RIMBP2: variants seen among roughly 807,000 people sequenced by gnomAD.
RIMBP2 encodes RIMS-binding protein 2.
In RIMBP2, 48 loss-of-function variants were observed where a neutral mutation model predicts 118.6. The observed-to-expected ratio is 0.40, with a 90% CI of 0.32 to 0.51. RIMBP2 has a LOEUF of 0.51. Ranked by LOEUF, RIMBP2 falls within the 20% of genes least tolerant of loss-of-function variation. The pLI is 0.41. For missense variants in RIMBP2, 1,551 were observed against 1,768.3 expected, an observed-to-expected ratio of 0.88 and a Z score of 2.20; for synonymous variants, 762 against 742.9, an observed-to-expected ratio of 1.03 and a Z score of -0.42.
At chr12:130,443,811 A>T (rs1206609152) in intron 10 of RIMBP2, among the ~76,000 whole-genome samples, 1 of 152,166 alleles carries the variant, frequency 6.6e-6, no homozygotes, top group Non-Finnish European at 1.5e-5. Context: ...TATGAAGATG[A>T]TTATAATGCT....
At chr12:130,713,267 A>AAGAT (rs1440050255) in intron 1 of RIMBP2, among the ~76,000 whole-genome samples, 1 of 147,750 alleles carries the variant, frequency 6.8e-6, no homozygotes, top group Admixed American at 6.7e-5. Context: ...GGAAGGAAGG[A>AAGAT]AGGAAGGACT....
rs570151777 is a variant in RIMBP2 at position 130,617,294 on chromosome 12, A to G, written c.-217+11028T>C. 1.3e-5 allele frequency among the ~76,000 whole-genome samples: 2 copies of G among 152,216 alleles called. No homozygotes were observed. Among genetic ancestry groups the G allele is most frequent in the South Asian group, 2.1e-4 (1 of 4,822 alleles). ...AGCTGGGAGCTGCTGGACCAGGCTT[A>G]GAACCCAGGTCCATCCTCATGCAAA... On this transcript the variant is annotated intron_variant, in intron 2 of 22. Coordinates refer to ENST00000690449, the MANE Select transcript of RIMBP2 (RefSeq NM_001393629.1). The surrounding 1 kb of genome is among the most constrained non-coding windows in gnomAD (Gnocchi z 4.6).
intron 2 of RIMBP2, among the ~76,000 whole-genome samples, chr12:130,605,058 C>T (rs1417951463): frequency 6.6e-6 from 1 of 151,998 alleles, no homozygotes; most frequent in African/African-American, 2.4e-5. Context: ...CCTCGGGGTG[C>T]GGTAGACTCC....
At chr12:130,521,702 G>A (rs2052144336) in intron 2 of RIMBP2, among the ~76,000 whole-genome samples, 2 of 152,154 alleles carry the variant, frequency 1.3e-5, no homozygotes, top group African/African-American at 4.8e-5. Context: ...GACCCTGACG[G>A]GGAGAACTTT....
At chr12:130,488,692 T>A (rs12827528) in intron 4 of RIMBP2, among the ~76,000 whole-genome samples, 11,238 of 151,346 alleles carry the variant, frequency 0.074, 1,114 homozygotes, top group African/African-American at 0.23. Context: ...TTCTCCTCCA[T>A]TCCCCTCCCA....
chr12:130,495,094 C>T (rs930510741), intron 4 of RIMBP2, among the ~76,000 whole-genome samples: 2 of 152,240 alleles, frequency 1.3e-5, no homozygotes, highest in Non-Finnish European at 2.9e-5. Context: ...GCCTGCCCTA[C>T]TCCAAGATGA....
chr12:130,654,639 A>G (rs903587995), intron 1 of RIMBP2, among the ~76,000 whole-genome samples: 1 of 152,224 alleles, frequency 6.6e-6, no homozygotes, highest in African/African-American at 2.4e-5. Context: ...CTTTATAGCA[A>G]TGCCCCACTC....
chr12:130,478,582 T>G (rs2081646980), intron 5 of RIMBP2, among the ~76,000 whole-genome samples: 1 of 152,152 alleles, frequency 6.6e-6, no homozygotes, highest in Non-Finnish European at 1.5e-5. Context: ...CCTTTTAGTT[T>G]AAACGGATGC....
chr12:130,526,583 T>C (rs530694528), intron 2 of RIMBP2, among the ~76,000 whole-genome samples: 2 of 152,332 alleles, frequency 1.3e-5, no homozygotes, highest in Admixed American at 1.3e-4. Flanking sequence ...CTTAAAGTTG[T>C]TTCTCTTTGA....
At chr12:130,564,414 C>T (rs548832942) in intron 2 of RIMBP2, among the ~76,000 whole-genome samples, 2 of 152,174 alleles carry the variant, frequency 1.3e-5, no homozygotes, top group East Asian at 3.9e-4. Context: ...GTGAGATTTA[C>T]ATAACATACA....
chr12:130,713,261 GGAAGGAA>G lies in RIMBP2; in HGVS notation c.-352+2954_-352+2960del, dbSNP rs1405716289. 1.0e-3 allele frequency among the ~76,000 whole-genome samples: 152 copies of G among 149,456 alleles called. 1 individual carries two copies. The highest frequency in any genetic ancestry group is 1.8e-3 in the Non-Finnish European group (124 of 67,098). On this transcript the variant is annotated intron_variant, in intron 1 of 22. Transcript: ENST00000690449. ...AGGAAGGAAGGAAGGAAGGAAGGAA[GGAAGGAA>G]GGAAGGACTGAGGAGTATGGTTCAG... is the stretch of plus-strand genomic sequence containing the variant.
At chr12:130,598,187 G>A (rs1362992684) in intron 2 of RIMBP2, among the ~76,000 whole-genome samples, 2 of 152,150 alleles carry the variant, frequency 1.3e-5, no homozygotes, top group Non-Finnish European at 2.9e-5. Flanking sequence ...AGATATGAAT[G>A]ACTTGCCAAC....
chr12:130,664,307 CAAAT>C (rs1292650902), intron 1 of RIMBP2, among the ~76,000 whole-genome samples: 4 of 151,478 alleles, frequency 2.6e-5, no homozygotes, highest in African/African-American at 9.8e-5. Flanking sequence ...TTGAAGGCAT[CAAAT>C]AGAGATAAGT....
intron 18 of RIMBP2, among the ~76,000 whole-genome samples, chr12:130,413,463 C>T (rs1163005266): frequency 6.6e-6 from 1 of 151,852 alleles, no homozygotes; most frequent in Non-Finnish European, 1.5e-5. Flanking sequence ...ATCCCTGTCT[C>T]TACTAAAAAT....
chr12:130,545,154 A>T (rs1015787381), intron 2 of RIMBP2, among the ~76,000 whole-genome samples: 4 of 152,094 alleles, frequency 2.6e-5, no homozygotes, highest in Admixed American at 6.6e-5. Flanking sequence ...CATTTGGAAA[A>T]TTTTTTAAAA....
chr12:130,559,408 A>G (rs950670925), intron 2 of RIMBP2, among the ~76,000 whole-genome samples: 2 of 151,726 alleles, frequency 1.3e-5, no homozygotes, highest in Non-Finnish European at 2.9e-5. Context: ...TGAGTAGATC[A>G]CGTGCCGTTT....
Position 130,407,766 on chromosome 12 carries a change from T to C in RIMBP2, c.3653A>G (p.Asp1218Gly). 1 of 1,614,152 alleles carries C rather than the reference T, an allele frequency of 6.2e-7. No individual in the cohort carries two copies. The highest frequency in any genetic ancestry group is 1.3e-5 in the African/African-American group (1 of 75,036). The change falls in exon 20 of 23, where the codon GAC becomes GGC. Residue 1218 changes from aspartate to glycine, a missense_variant. Physicochemically the swap from Asp to Gly is moderately conservative, Grantham distance 94. Around this residue, in one of 5 missense-constraint regions of RIMBP2, gnomAD observed 1,038 missense variants for 1,125.1 expected, o/e 0.92. Transcript: ENST00000690449. ...VSTRRMVALY[D>G]YDPRESSPNV... ...GGGCGAGCTTTCTCTGGGGTCGTAG[T>C]CATACAGGGCCACCATTCTCCGCGT...
At chr12:130,601,990 T>TTTTC (rs1192177275) in intron 2 of RIMBP2, among the ~76,000 whole-genome samples, 1 of 152,148 alleles carries the variant, frequency 6.6e-6, no homozygotes, top group African/African-American at 2.4e-5. Flanking sequence ...CTCCAGAGAT[T>TTTTC]TTTCTTTCTT....
chr12:130,572,544 C>T (rs986453611), intron 2 of RIMBP2, among the ~76,000 whole-genome samples: 1 of 152,074 alleles, frequency 6.6e-6, no homozygotes, highest in Non-Finnish European at 1.5e-5. Context: ...TTTTACTGGG[C>T]TGCGTGAACT....
Sources: allele counts gnomAD v4.1 joint callset (sites outside exome capture counted in the v4.1 genomes callset), GRCh38; gene constraint gnomAD v4.1.1; regional missense constraint gnomAD v4.1.1; non-coding constraint Gnocchi (gnomAD v3.1); transcripts MANE v1.5; gene names NCBI Gene and HGNC (gene_info 2026-07-23, HGNC 2026-07-21).